ARMC5: variants seen among roughly 807,000 people sequenced by gnomAD.
ARMC5 encodes the protein armadillo repeat containing 5.
ARMC5 carries 28 observed loss-of-function variants against 60.5 expected under a neutral mutation model. The observed-to-expected ratio is 0.46, with a 90% CI of 0.34 to 0.63. ARMC5 has a LOEUF of 0.63. Ranked by LOEUF, ARMC5 falls within the 30% of genes least tolerant of loss-of-function variation. ARMC5 has a pLI of 0.01. For missense variants in ARMC5, 1,189 were observed against 1,304.9 expected (o/e 0.91, Z 1.37); for synonymous variants, 680 against 607.3 (o/e 1.12, Z -1.76).
Position 31,462,749 on chromosome 16 carries a change from C to G in ARMC5, c.1202C>G (p.Thr401Ser), listed in dbSNP as rs758091207. The change falls in exon 3 of 6, where the codon ACT (threonine) becomes AGT (serine). Residue 401 changes from threonine (T) to serine (S), a missense_variant. Physicochemically the swap from Thr to Ser is moderately conservative, Grantham distance 58 (BLOSUM62 1). Transcript: ENST00000268314. This position sits in a 1 kb window ranked among gnomAD's most constrained non-coding sequence, Gnocchi z 7.2. ...VAALVGFLYD[T>S]GALGRLQALG... The stretch of plus-strand genomic sequence containing the variant: ...GCCCTTGTGGGGTTTCTGTATGACA[C>G]TGGGGCCCTGGGCCGGCTGCAGGCT... 5 of 1,613,806 alleles carry G rather than the reference C, an allele frequency of 3.1e-6. No individual in the cohort carries two copies. Among genetic ancestry groups the G allele is most frequent in the Non-Finnish European group, 4.2e-6 (5 of 1,180,050 alleles).
Position 31,462,135 on chromosome 16 carries a change from T to C in ARMC5, c.588T>C (p.Ala196=), listed in dbSNP as rs2082308784. The C allele has an allele frequency of 6.2e-7, 1 of 1,612,190 alleles. No homozygotes were observed. The highest frequency in any genetic ancestry group is 8.5e-7 in the Non-Finnish European group (1 of 1,178,874). The change falls in exon 3 of 6, where the codon GCT becomes GCC. Residue 196 remains alanine (A), a synonymous_variant. Transcript: ENST00000268314. This position sits in a 1 kb window ranked among gnomAD's most constrained non-coding sequence, Gnocchi z 7.2. ...GCTCCCCTTTCCTGCCCTCAGGTGC[T>C]GTTCCCCTGCTTGTGGAGAGCCTGA... ...ESCGDIHCAG[A]VPLLVESLTA...
Position 31,462,540 on chromosome 16 carries a change from C to T in ARMC5, c.993C>T (p.Leu331=). The T allele has an allele frequency of 2.3e-5, 37 of 1,610,760 alleles. No homozygotes were observed. The highest frequency in any genetic ancestry group is 3.1e-5 in the Non-Finnish European group (37 of 1,179,800). Reference sequence around the variant, plus strand: ...GCGTGGAGGTGCTGGTAGATGAGCTCCGGCAGCGCCGGGATCCTAATGGAG... The same window carrying T: ...GCGTGGAGGTGCTGGTAGATGAGCTTCGGCAGCGCCGGGATCCTAATGGAG... ...AGGVEVLVDE[L]RQRRDPNGAS... Residue 331 remains leucine (L), a synonymous_variant, in exon 3 of 6, where the codon CTC becomes CTT. Transcript: ENST00000268314. This position sits in a 1 kb window ranked among gnomAD's most constrained non-coding sequence, Gnocchi z 7.2.
rs1316609378 is a variant in ARMC5 at position 31,462,510 on chromosome 16, T to C, written c.963T>C (p.Ala321=). Residue 321 remains alanine (A), a synonymous_variant, in exon 3 of 6, where the codon GCT becomes GCC. Coordinates refer to ENST00000268314, the MANE Select transcript of ARMC5 (RefSeq NM_001105247.2). The surrounding 1 kb of genome is among the most constrained non-coding windows in gnomAD (Gnocchi z 7.2). ...QGLIRPALGN[A]GGVEVLVDEL... is the part of the protein sequence containing the mutation. The stretch of plus-strand genomic sequence containing the variant: ...TGATTCGGCCTGCACTGGGCAATGC[T>C]GGTGGCGTGGAGGTGCTGGTAGATG... The C allele has an allele frequency of 1.2e-6, 2 of 1,611,562 alleles. No individual in the cohort carries two copies. Among genetic ancestry groups the C allele is most frequent in the Non-Finnish European group, 1.7e-6 (2 of 1,179,850 alleles).
chr16:31,466,596 G>A lies in ARMC5; in HGVS notation c.2515G>A (p.Ala839Thr). ...AGAGGCCGAGGAGGCACTGGAGGCT[G>A]CTGGCCGTTTCCTACTGCCTGGGCT... ...GSEAEEALEA[A>T]GRFLLPGLEE... Residue 839 changes from alanine (A) to threonine (T), a missense_variant, in exon 6 of 6, where the codon GCT (alanine) becomes ACT (threonine). Transcript: ENST00000268314. This position sits in a 1 kb window ranked among gnomAD's most constrained non-coding sequence, Gnocchi z 8.0. 6.2e-7 allele frequency: 1 copy of A among 1,607,306 alleles called. No homozygotes were observed. Among genetic ancestry groups the A allele is most frequent in the South Asian group, 1.1e-5 (1 of 90,346 alleles).
chr16:31,459,447 G>A, upstream of ARMC5: 1 of 1,546,718 alleles, frequency 6.5e-7, no homozygotes, highest in African/African-American at 1.4e-5. Context: ...GGCGGTGCCC[G>A]ACGATTTCCC....
At chr16:31,460,045 C>G in intron 1 of ARMC5, 46 bp downstream of exon 1, 4 of 1,584,382 alleles carry the variant, frequency 2.5e-6, no homozygotes, top group Non-Finnish European at 3.4e-6. Flanking sequence ...GTTTGCAACT[C>G]CCTTGCTCTC....
chr16:31,465,485 G>A, intron 4 of ARMC5: 2 of 851,722 alleles, frequency 2.3e-6, no homozygotes, highest in Non-Finnish European at 3.3e-6. Context: ...GGGATAAAGA[G>A]TAATTACTAC....
chr16:31,459,521 C>A lies in ARMC5; in HGVS notation c.-4C>A, dbSNP rs767422457. 2.4e-5 allele frequency: 38 copies of A among 1,600,896 alleles called. No individual in the cohort carries two copies. Among genetic ancestry groups the A allele is most frequent in the Non-Finnish European group, 2.8e-5 (33 of 1,176,756 alleles). On this transcript the variant is annotated 5_prime_UTR_variant, in exon 1 of 6. Coordinates refer to ENST00000268314, the MANE Select transcript of ARMC5 (RefSeq NM_001105247.2). The stretch of plus-strand genomic sequence containing the variant: ...GCGGGGCGGAGTCTGAGGCCCGAGC[C>A]AAGATGGCGGCTGCGAAGCCAACCC...
chr16:31,460,000 GT>G lies in ARMC5; in HGVS notation c.475+2del. On this transcript the variant is annotated splice_donor_variant, in intron 1 of 5. Transcript: ENST00000268314. LOFTEE classifies it high-confidence loss of function. ...AGACTCGGAGGCATACTCCCTTTGG[GT>G]AAGTGCTCCGCCCCCGTTTCCTAGA... The G allele has an allele frequency of 6.3e-7, 1 of 1,595,638 alleles. No homozygotes were observed. Among genetic ancestry groups the G allele is most frequent in the Non-Finnish European group, 8.5e-7 (1 of 1,178,018 alleles).
In ARMC5 at chr16:31,459,684, G is replaced by A. The variant is rs1431164175; in HGVS notation, c.160G>A (p.Ala54Thr). 1.3e-6 allele frequency: 2 copies of A among 1,574,954 alleles called. No homozygotes were observed. The highest frequency in any genetic ancestry group is 1.7e-6 in the Non-Finnish European group (2 of 1,170,398). Residue 54 changes from alanine to threonine, a missense_variant, in exon 1 of 6, where the codon GCA becomes ACA. Physicochemically the swap from Ala to Thr is moderately conservative, Grantham distance 58. Transcript: ENST00000268314. ...LLALRTRHIK[A>T]AGGIERFRAR... is the part of the protein sequence containing the mutation. Reference sequence around the variant, plus strand: ...AGCCCTCCGCACGCGCCACATCAAGGCAGCGGGGGGAATCGAGCGCTTCCG... The same window carrying A: ...AGCCCTCCGCACGCGCCACATCAAGACAGCGGGGGGAATCGAGCGCTTCCG...
At chr16:31,460,365 G>A (rs939602032) in intron 1 of ARMC5, 3 of 210,024 alleles carry the variant, frequency 1.4e-5, no homozygotes, top group South Asian at 6.5e-5. Context: ...CCCTGTGCAA[G>A]GTTCTGAAGC....
chr16:31,466,961 G>GGGAGGAGGCTGAGCA lies in ARMC5; in HGVS notation c.*74_*88dup. ...GAAGGATCCTCCCTGAGACTGGCAA[G>GGGAGGAGGCTGAGCA]GGAGGAGGCTGAGCAGAAGGAGTCA... On this transcript the variant is annotated 3_prime_UTR_variant, in exon 6 of 6. Transcript: ENST00000268314. The surrounding 1 kb of genome is among the most constrained non-coding windows in gnomAD (Gnocchi z 8.0). 7.0e-7 allele frequency: 1 copy of GGGAGGAGGCTGAGCA among 1,427,376 alleles called. No individual in the cohort carries two copies. Among genetic ancestry groups the GGGAGGAGGCTGAGCA allele is most frequent in the Non-Finnish European group, 9.2e-7 (1 of 1,089,206 alleles). The allele number at this position is 1,427,376 out of a possible 1,614,324, so 88.4% of individuals were successfully genotyped here. A position where few individuals can be genotyped will look rare whatever the true frequency, so the allele number is the denominator to read the frequency against.
At position 31,464,981 on chromosome 16, in the gene ARMC5, A is replaced by T; in HGVS notation, c.1864+94A>T. ...GGCCCAGAACCTCACCTTCCCACTC[A>T]CCTGTCCTCCCCAGCCCGTCCTCCA... On this transcript the variant is annotated intron_variant, in intron 4 of 5. Transcript: ENST00000268314. The surrounding 1 kb of genome is among the most constrained non-coding windows in gnomAD (Gnocchi z 7.6). 6.2e-7 allele frequency: 1 copy of T among 1,608,698 alleles called. No homozygotes were observed. Among genetic ancestry groups the T allele is most frequent in the Non-Finnish European group, 8.5e-7 (1 of 1,176,962 alleles).
Position 31,462,928 on chromosome 16 carries a change from G to C in ARMC5, c.1370+11G>C. 1 of 1,558,194 alleles carries C rather than the reference G, an allele frequency of 6.4e-7. No individual in the cohort carries two copies. Among genetic ancestry groups the C allele is most frequent in the Non-Finnish European group, 8.7e-7 (1 of 1,152,512 alleles). On this transcript the variant is annotated intron_variant, in intron 3 of 5. Transcript: ENST00000268314. The surrounding 1 kb of genome is among the most constrained non-coding windows in gnomAD (Gnocchi z 7.2). ...CTTCCGGAGCCTCAGGTGAGTCCCT[G>C]CCTCAGGGCTTGGGAGGGTGAGCAG...
Position 31,464,420 on chromosome 16 carries a change from C to T in ARMC5, c.1397C>T (p.Ala466Val). ...TCGTGGCTGATCTCCGAGGGCTATGCCACAGGCCCTGATGACATCTCCCCC... is the reference window on the plus strand; with the variant it reads ...TCGTGGCTGATCTCCGAGGGCTATGTCACAGGCCCTGATGACATCTCCCCC... ...LRSWLISEGYATGPDDISPDW... is the reference protein window; with the variant it reads ...LRSWLISEGYVTGPDDISPDW... Residue 466 changes from alanine to valine, a missense_variant, in exon 4 of 6, where the codon GCC (alanine) becomes GTC (valine). Ala to Val is a moderately conservative substitution (Grantham distance 64). Coordinates refer to ENST00000268314, the MANE Select transcript of ARMC5 (RefSeq NM_001105247.2). This position sits in a 1 kb window ranked among gnomAD's most constrained non-coding sequence, Gnocchi z 7.6. 2 of 1,550,020 alleles carry T rather than the reference C, an allele frequency of 1.3e-6. No homozygotes were observed. Among genetic ancestry groups the T allele is most frequent in the East Asian group, 4.6e-5 (2 of 43,806 alleles).
In ARMC5 at chr16:31,464,315, A is replaced by G; in HGVS notation, c.1371-79A>G. The G allele has an allele frequency of 3.0e-6, 3 of 1,006,812 alleles. No individual in the cohort carries two copies. The highest frequency in any genetic ancestry group is 4.1e-6 in the Non-Finnish European group (3 of 739,448). 62.4% of individuals were successfully genotyped at this position (1,006,812 alleles called of 1,614,324 possible). A position where few individuals can be genotyped will look rare whatever the true frequency, so the allele number is the denominator to read the frequency against. ...TTTAAAAAAAAAAAAAAAAAAAAAAAAGACGCCTCACGCCTCTTGGACTCT... is the reference window on the plus strand; with the variant it reads ...TTTAAAAAAAAAAAAAAAAAAAAAAGAGACGCCTCACGCCTCTTGGACTCT... On this transcript the variant is annotated intron_variant, in intron 3 of 5. Coordinates refer to ENST00000268314, the MANE Select transcript of ARMC5 (RefSeq NM_001105247.2). The surrounding 1 kb of genome is among the most constrained non-coding windows in gnomAD (Gnocchi z 7.6).
upstream of ARMC5, chr16:31,459,283 C>G: frequency 6.5e-7 from 1 of 1,534,508 alleles, no homozygotes; most frequent in Non-Finnish European, 8.7e-7. Context: ...AGAAGCTCGA[C>G]GCGGACCACA....
chr16:31,459,370 AC>A (rs753364248), upstream of ARMC5: 10 of 1,536,284 alleles, frequency 6.5e-6, no homozygotes, highest in South Asian at 1.2e-4. Context: ...GCAAGGACAG[AC>A]TTCCGGGGTC....
chr16:31,464,326 C>G lies in ARMC5; in HGVS notation c.1371-68C>G, dbSNP rs1465712967. On this transcript the variant is annotated intron_variant, in intron 3 of 5. Transcript: ENST00000268314. This position sits in a 1 kb window ranked among gnomAD's most constrained non-coding sequence, Gnocchi z 7.6. ...AAAAAAAAAAAAAAAAGACGCCTCACGCCTCTTGGACTCTGCCCCTTAACC... is the reference window on the plus strand; with the variant it reads ...AAAAAAAAAAAAAAAAGACGCCTCAGGCCTCTTGGACTCTGCCCCTTAACC... The G allele has an allele frequency of 1.8e-6, 2 of 1,122,612 alleles. No individual in the cohort carries two copies. Among genetic ancestry groups the G allele is most frequent in the Non-Finnish European group, 2.4e-6 (2 of 824,348 alleles). 69.5% of individuals were successfully genotyped at this position (1,122,612 alleles called of 1,614,324 possible).
Sources: allele counts gnomAD v4.1 joint callset, GRCh38; gene constraint gnomAD v4.1.1; non-coding constraint Gnocchi (gnomAD v3.1); transcripts MANE v1.5; gene names NCBI Gene and HGNC (gene_info 2026-07-23, HGNC 2026-07-21).